LRP10: variants seen among roughly 807,000 people sequenced by gnomAD.
The protein encoded by LRP10 is LDL receptor related protein 10, also known as low-density lipoprotein receptor-related protein 10.
Under a neutral mutation model 58.5 loss-of-function variants are expected in LRP10, and 42 were observed. The ratio of observed to expected loss-of-function variants is 0.72; its 90% confidence interval spans 0.56 to 0.93. The LOEUF is 0.93. Ranked by LOEUF, LRP10 falls within the 40% of genes least tolerant of loss-of-function variation. The pLI is 0.00. For synonymous variants in LRP10, 377 were observed against 388.5 expected, an observed-to-expected ratio of 0.97 and a Z score of 0.35; for missense variants, 872 against 940.1, an observed-to-expected ratio of 0.93 and a Z score of 0.95.
chr14:22,873,149 A>C, intron 2 of LRP10, 162 bp from the exon 3 acceptor site: 1 of 793,256 alleles, frequency 1.3e-6, no homozygotes. Context: ...GAAAGAGCGA[A>C]GCTAGAAGGC....
chr14:22,877,547 T>TCATA lies in LRP10; in HGVS notation c.*20_*21insCATA. On this transcript the variant is annotated 3_prime_UTR_variant, in exon 7 of 7. Transcript: ENST00000359591. The surrounding 1 kb of genome is among the most constrained non-coding windows in gnomAD (Gnocchi z 5.1). ...ACCTGAGGGGACCTGGGGGCTCTAC[T>TCATA]GAGGCCTCTCCCCTGGGGGCTCTAC... The TCATA allele has an allele frequency of 6.5e-7, 1 of 1,538,396 alleles. No individual in the cohort carries two copies. Among genetic ancestry groups the TCATA allele is most frequent in the Non-Finnish European group, 8.8e-7 (1 of 1,136,236 alleles).
Position 22,877,021 on chromosome 14 carries a change from C to A in LRP10, c.1636C>A (p.Arg546Ser). ...MTPGGGPGAR[R>S]RQRGRLMRRL... ...TCCAGGAGGTGGCCCAGGTGCCCGC[C>A]GTCGTCAGCGGGGCCGCTTGATGCG... The change falls in exon 7 of 7, where the codon CGT becomes AGT. Residue 546 changes from arginine to serine, a missense_variant. Physicochemically the swap from Arg to Ser is moderately radical, Grantham distance 110. Coordinates refer to ENST00000359591, the MANE Select transcript of LRP10 (RefSeq NM_014045.5). The surrounding 1 kb of genome is among the most constrained non-coding windows in gnomAD (Gnocchi z 5.1). The A allele has an allele frequency of 1.9e-6, 3 of 1,612,608 alleles. No individual in the cohort carries two copies. Among genetic ancestry groups the A allele is most frequent in the Non-Finnish European group, 2.5e-6 (3 of 1,179,334 alleles).
At chr14:22,873,124 T>C in intron 2 of LRP10, 187 bp from the exon 3 acceptor site, 1 of 672,004 alleles carries the variant, frequency 1.5e-6, no homozygotes, top group East Asian at 2.7e-5. Context: ...GGTGAAGCTA[T>C]GAAGAATGTG....
Position 22,875,064 on chromosome 14 carries a change from G to C in LRP10, c.225G>C (p.Lys75Asn), listed in dbSNP as rs1000268552. ...KEQTVTIRFQ[K>N]LHLACGSERL... ...TCCTCTACTCCCATAGGTTCCAGAA[G>C]CTACACCTGGCCTGTGGCTCAGAGC... Residue 75 changes from lysine to asparagine, a missense_variant, in exon 4 of 7, where the codon AAG becomes AAC. Lys to Asn is a moderately conservative substitution (Grantham distance 94). Transcript: ENST00000359591. 5 of 1,573,204 alleles carry C rather than the reference G, an allele frequency of 3.2e-6. No homozygotes were observed. Among genetic ancestry groups the C allele is most frequent in the Non-Finnish European group, 4.3e-6 (5 of 1,158,424 alleles).
intron 3 of LRP10, among the ~76,000 whole-genome samples, chr14:22,874,637 C>T (rs1233109210): frequency 2.0e-5 from 3 of 152,228 alleles, no homozygotes; most frequent in African/African-American, 7.2e-5. Flanking sequence ...CCAGTAATCC[C>T]AGCACTTTGG....
rs2039994523 is a variant in LRP10 at position 22,875,599 on chromosome 14, C to T, written c.651C>T (p.Pro217=). 3 of 1,614,178 alleles carry T rather than the reference C, an allele frequency of 1.9e-6. No homozygotes were observed. Among genetic ancestry groups the T allele is most frequent in the African/African-American group, 1.3e-5 (1 of 75,048 alleles). ...GYTHLASVSH[P]QSCHWLLDPH... ...CACACCTAGCCTCAGTCTCCCACCC[C>T]CAGTCCTGCCATTGGCTGCTGGACC... The change falls in exon 5 of 7, where the codon CCC becomes CCT. Residue 217 remains proline (P), a synonymous_variant. Coordinates refer to ENST00000359591, the MANE Select transcript of LRP10 (RefSeq NM_014045.5).
rs758483879 is a variant in LRP10 at position 22,875,518 on chromosome 14, G to A, written c.570G>A (p.Leu190=). ...PGLTPRPVPS[L]PCNVTLEDFY... is the part of the protein sequence containing the mutation. The stretch of plus-strand genomic sequence containing the variant: ...TGACCCCAAGACCCGTCCCCTCCCT[G>A]CCTTGCAATGTCACCTTGGAGGACT... Residue 190 remains leucine (L), a synonymous_variant, in exon 5 of 7, where the codon CTG becomes CTA. Coordinates refer to ENST00000359591, the MANE Select transcript of LRP10 (RefSeq NM_014045.5). 1 of 1,614,032 alleles carries A rather than the reference G, an allele frequency of 6.2e-7. No homozygotes were observed. Among genetic ancestry groups the A allele is most frequent in the Non-Finnish European group, 8.5e-7 (1 of 1,180,024 alleles).
In LRP10 at chr14:22,875,572, T is replaced by A. The variant is rs1336337893; in HGVS notation, c.624T>A (p.Tyr208Ter). 1 of 1,614,134 alleles carries A rather than the reference T, an allele frequency of 6.2e-7. No individual in the cohort carries two copies. The highest frequency in any genetic ancestry group is 1.3e-5 in the African/African-American group (1 of 75,032). ...DFYGVFSSPGYTHLASVSHPQ... is the reference protein window; with the variant it reads ...DFYGVFSSPG Reference sequence around the variant, plus strand: ...ATGGGGTCTTCTCCTCTCCTGGATATACACACCTAGCCTCAGTCTCCCACC... The same window carrying A: ...ATGGGGTCTTCTCCTCTCCTGGATAAACACACCTAGCCTCAGTCTCCCACC... The change falls in exon 5 of 7, where the codon TAT (tyrosine) becomes TAA (stop). Residue 208 changes from tyrosine (Y) to a stop codon, truncating the protein, a stop_gained. Transcript: ENST00000359591. LOFTEE classifies it high-confidence loss of function.
rs773316599 is a variant in LRP10 at position 22,873,402 on chromosome 14, C to T, written c.171C>T (p.Cys57=). The T allele has an allele frequency of 1.9e-6, 3 of 1,614,076 alleles. No homozygotes were observed. Among genetic ancestry groups the T allele is most frequent in the Admixed American group, 1.7e-5 (1 of 60,004 alleles). ...ACAGCCGCACCTCCCCTGCCAACTG[C>T]ACCTGGCTCATCCTGGGCAGCAAGG... is the stretch of plus-strand genomic sequence containing the variant. The part of the protein sequence containing the change: ...VRDSRTSPAN[C]TWLILGSKEQ... The change falls in exon 3 of 7, where the codon TGC becomes TGT. Residue 57 remains cysteine, a synonymous_variant. Coordinates refer to ENST00000359591, the MANE Select transcript of LRP10 (RefSeq NM_014045.5).
Position 22,876,686 on chromosome 14 carries a change from T to C in LRP10, c.1425-3T>C. 6.2e-7 allele frequency: 1 copy of C among 1,613,172 alleles called. No homozygotes were observed. Among genetic ancestry groups the C allele is most frequent in the Non-Finnish European group, 8.5e-7 (1 of 1,179,530 alleles). ...GTGACTGAGCAGTCCTCATTCCTTC[T>C]AGCATCTTTGCCCCCCTCTCCCGGA... On this transcript the variant is annotated splice_region_variant and splice_polypyrimidine_tract_variant and intron_variant, in intron 5 of 6. Coordinates refer to ENST00000359591, the MANE Select transcript of LRP10 (RefSeq NM_014045.5).
In LRP10 at chr14:22,875,872, C is replaced by T; in HGVS notation, c.924C>T (p.Cys308=). 3 of 1,613,738 alleles carry T rather than the reference C, an allele frequency of 1.9e-6. No individual in the cohort carries two copies. Among genetic ancestry groups the T allele is most frequent in the Non-Finnish European group, 1.7e-6 (2 of 1,179,770 alleles). ...CCACCTACCATGTGCGGGGCTATTG[C>T]TTGCCTTGGGACAGACCCTGTGGCT... The part of the protein sequence containing the change: ...FNATYHVRGY[C]LPWDRPCGLG... Residue 308 remains cysteine (C), a synonymous_variant, in exon 5 of 7, where the codon TGC becomes TGT. Coordinates refer to ENST00000359591, the MANE Select transcript of LRP10 (RefSeq NM_014045.5).
intron 3 of LRP10, 80 bp downstream of exon 3, chr14:22,873,526 CTTTT>C (rs144635209): frequency 1.9e-4 from 232 of 1,228,870 alleles, no homozygotes; most frequent in Admixed American, 3.9e-4. Context: ...GGGATCACTT[CTTTT>C]TTTTTTTTTT....
intron 5 of LRP10, 111 bp from the exon 6 acceptor site, chr14:22,876,578 C>A: frequency 6.8e-7 from 1 of 1,478,928 alleles, no homozygotes; most frequent in Non-Finnish European, 9.2e-7. Flanking sequence ...AAAGCCATGG[C>A]ACAGCTCCAG....
rs1254517286 is a variant in LRP10 at position 22,875,247 on chromosome 14, T to C, written c.406+2T>C. On this transcript the variant is annotated splice_donor_variant, in intron 4 of 6. Coordinates refer to ENST00000359591, the MANE Select transcript of LRP10 (RefSeq NM_014045.5). LOFTEE classifies it high-confidence loss of function. Reference sequence around the variant, plus strand: ...GCTTCCTGCTCTCCTACAGCCAAGGTAGGCTGGACAGGGATGTCTGAGGAG... The same window carrying C: ...GCTTCCTGCTCTCCTACAGCCAAGGCAGGCTGGACAGGGATGTCTGAGGAG... 1 of 1,590,730 alleles carries C rather than the reference T, an allele frequency of 6.3e-7. No homozygotes were observed. Among genetic ancestry groups the C allele is most frequent in the African/African-American group, 1.3e-5 (1 of 74,576 alleles).
In LRP10 at chr14:22,876,983, G is replaced by A. The variant is rs765192467; in HGVS notation, c.1598G>A (p.Arg533His). Residue 533 changes from arginine (R) to histidine (H), a missense_variant, in exon 7 of 7, where the codon CGC becomes CAC. Arg to His is a conservative substitution (Grantham distance 29). Transcript: ENST00000359591. ...CTGCGTTCTCTGCTACAGATCTTAC[G>A]CCAGGATATGACTCCAGGAGGTGGC... ...GNLRSLLQIL[R>H]QDMTPGGGPG... The A allele has an allele frequency of 1.6e-5, 25 of 1,604,514 alleles. No homozygotes were observed. Among genetic ancestry groups the A allele is most frequent in the Middle Eastern group, 1.7e-4 (1 of 6,006 alleles).
At position 22,877,747 on chromosome 14, in the gene LRP10, G is replaced by A. The variant is rs1039067486; in HGVS notation, c.*220G>A. The A allele has an allele frequency of 2.1e-6, 1 of 465,348 alleles. No homozygotes were observed. Among genetic ancestry groups the A allele is most frequent in the Non-Finnish European group, 3.8e-6 (1 of 264,544 alleles). 28.8% of individuals were successfully genotyped at this position (465,348 alleles called of 1,614,324 possible). A position where few individuals can be genotyped will look rare whatever the true frequency, so the allele number is the denominator to read the frequency against. ...AGAGTCTCCTCTGTACGTGGCCATGGCCAGACACCCCAGTCCCTTCACCAC... is the reference window on the plus strand; with the variant it reads ...AGAGTCTCCTCTGTACGTGGCCATGACCAGACACCCCAGTCCCTTCACCAC... On this transcript the variant is annotated 3_prime_UTR_variant, in exon 7 of 7. Coordinates refer to ENST00000359591, the MANE Select transcript of LRP10 (RefSeq NM_014045.5). The surrounding 1 kb of genome is among the most constrained non-coding windows in gnomAD (Gnocchi z 5.1).
At position 22,875,157 on chromosome 14, in the gene LRP10, G is replaced by A. The variant is rs750001338; in HGVS notation, c.318G>A (p.Gln106=). ...GTGAGGCACCTCCCAGCCCTCTGCA[G>A]CTGCCCGGGGGCAACGTCACCATCA... ...SLCEAPPSPL[Q]LPGGNVTITY... is the part of the protein sequence containing the mutation. Residue 106 remains glutamine (Q), a synonymous_variant, in exon 4 of 7, where the codon CAG becomes CAA. Coordinates refer to ENST00000359591, the MANE Select transcript of LRP10 (RefSeq NM_014045.5). The A allele has an allele frequency of 1.1e-5, 17 of 1,613,644 alleles. No individual in the cohort carries two copies. Among genetic ancestry groups the A allele is most frequent in the Non-Finnish European group, 1.4e-5 (16 of 1,179,852 alleles).
chr14:22,873,526 CTTTTTT>C, intron 3 of LRP10, 80 bp downstream of exon 3: 2 of 1,230,298 alleles, frequency 1.6e-6, no homozygotes, highest in Middle Eastern at 2.3e-4. Flanking sequence ...GGGATCACTT[CTTTTTT>C]TTTTTTTTTG....
rs1168544890 is a variant in LRP10 at position 22,876,328 on chromosome 14, G to A, written c.1380G>A (p.Leu460=). 6.2e-7 allele frequency: 1 copy of A among 1,614,054 alleles called. No homozygotes were observed. Among genetic ancestry groups the A allele is most frequent in the Admixed American group, 1.7e-5 (1 of 60,014 alleles). The part of the protein sequence containing the change: ...LVCGLLLVIA[L]GCTCKLYAIR... ...GCGGCCTGCTCCTGGTCATCGCCCT[G>A]GGCTGCACCTGCAAGCTCTATGCCA... The change falls in exon 5 of 7, where the codon CTG becomes CTA. Residue 460 remains leucine (L), a synonymous_variant. Transcript: ENST00000359591.
Sources: gnomAD v4.1 joint callset for allele counts (sites outside exome capture counted in the v4.1 genomes callset) on GRCh38, gnomAD v4.1.1 for gene constraint, Gnocchi (gnomAD v3.1) non-coding constraint, MANE v1.5 for transcripts, NCBI Gene and HGNC (gene_info 2026-07-23, HGNC 2026-07-21) for gene names.